The following CATSPERE variants were observed in gnomAD, a reference collection of about 807,000 sequenced individuals.
The protein encoded by CATSPERE is catsper channel auxiliary subunit epsilon, also known as cation channel sperm-associated auxiliary subunit epsilon.
In CATSPERE, 93 loss-of-function variants were observed where a neutral mutation model predicts 114.1. The ratio of observed to expected loss-of-function variants is 0.81; its 90% CI spans 0.69 to 0.97. CATSPERE has a LOEUF of 0.97. Ranked by LOEUF, CATSPERE falls within the 50% of genes least tolerant of loss-of-function variation. The pLI, the probability that CATSPERE is intolerant of heterozygous loss-of-function variation, is 0.00. For synonymous variants in CATSPERE, 341 were observed against 384.1 expected (o/e 0.89, Z 1.31); for missense variants, 1,058 against 1,131.6 (o/e 0.93, Z 0.93).
intron 13 of CATSPERE, among the ~76,000 whole-genome samples, chr1:244,585,458 C>G (rs1216966365): frequency 6.6e-6 from 1 of 152,208 alleles, no homozygotes; most frequent in Non-Finnish European, 1.5e-5. Flanking sequence ...TGCGGTAGCC[C>G]TTTCAGGCAA....
At chr1:244,502,607 G>A (rs921633748) in intron 7 of CATSPERE, among the ~76,000 whole-genome samples, 1 of 152,092 alleles carries the variant, frequency 6.6e-6, no homozygotes, top group African/African-American at 2.4e-5. Flanking sequence ...CACTGTTGCT[G>A]TTAGGAAACC....
chr1:244,602,745 C>T (rs948347538), intron 17 of CATSPERE, among the ~76,000 whole-genome samples: 5 of 152,112 alleles, frequency 3.3e-5, no homozygotes, highest in African/African-American at 1.2e-4. Context: ...TTCTTTGTTA[C>T]CCTGCAGGGA....
intron 10 of CATSPERE, among the ~76,000 whole-genome samples, chr1:244,565,921 T>C (rs1439331928): frequency 6.6e-6 from 1 of 152,174 alleles, no homozygotes; most frequent in Non-Finnish European, 1.5e-5. Context: ...CTTTTAATTG[T>C]GATGTTAGGG....
chr1:244,455,547 T>G (rs1666070255), intron 1 of CATSPERE, among the ~76,000 whole-genome samples: 1 of 151,996 alleles, frequency 6.6e-6, no homozygotes. Flanking sequence ...AAAGTCAGCT[T>G]AATTAAAAGT....
At chr1:244,469,386 C>T (rs1668107301) in intron 2 of CATSPERE, among the ~76,000 whole-genome samples, 1 of 152,128 alleles carries the variant, frequency 6.6e-6, no homozygotes, top group South Asian at 2.1e-4. Context: ...CAGCTCATGG[C>T]CATTCTTGTT....
intron 6 of CATSPERE, among the ~76,000 whole-genome samples, chr1:244,494,808 A>G (rs943243057): frequency 6.6e-6 from 1 of 152,188 alleles, no homozygotes; most frequent in African/African-American, 2.4e-5. Context: ...GTAAAAAAAG[A>G]TAAACTGTGT....
chr1:244,580,124 C>T (rs1391202973), intron 11 of CATSPERE, among the ~76,000 whole-genome samples: 1 of 151,998 alleles, frequency 6.6e-6, no homozygotes, highest in Non-Finnish European at 1.5e-5. Flanking sequence ...GCAACCTCTG[C>T]TCCCTGGGTT....
At chr1:244,545,555 C>T (rs776389405) in intron 8 of CATSPERE, among the ~76,000 whole-genome samples, 1 of 152,174 alleles carries the variant, frequency 6.6e-6, no homozygotes, top group Non-Finnish European at 1.5e-5. Flanking sequence ...GAACCACACT[C>T]CTTTTGTATT....
chr1:244,503,987 C>A (rs1377699395), intron 7 of CATSPERE, among the ~76,000 whole-genome samples: 1 of 152,052 alleles, frequency 6.6e-6, no homozygotes, highest in Non-Finnish European at 1.5e-5. Flanking sequence ...TTTTCTATGA[C>A]CTGGAGATAT....
chr1:244,551,134 T>G (rs1420035858), intron 8 of CATSPERE, among the ~76,000 whole-genome samples: 1 of 152,220 alleles, frequency 6.6e-6, no homozygotes, highest in African/African-American at 2.4e-5. Flanking sequence ...TAACCTGTTA[T>G]TCATCAGGTG....
At chr1:244,511,688 C>T (rs912325525) in intron 7 of CATSPERE, among the ~76,000 whole-genome samples, 41 of 152,174 alleles carry the variant, frequency 2.7e-4, no homozygotes, top group Non-Finnish European at 5.9e-5. Context: ...AGATACCATC[C>T]TTTCACTTCC....
chr1:244,456,178 T>C (rs911495415), intron 1 of CATSPERE, among the ~76,000 whole-genome samples: 6 of 149,746 alleles, frequency 4.0e-5, no homozygotes, highest in Non-Finnish European at 8.8e-5. Flanking sequence ...AAATGCATAG[T>C]TGGTAAAAGC....
intron 2 of CATSPERE, 44 bp downstream of exon 2, chr1:244,464,000 T>A (rs779487675): frequency 1.4e-6 from 2 of 1,410,720 alleles, no homozygotes; most frequent in South Asian, 2.4e-5. Context: ...ATATTAAATT[T>A]TTTGAACTTT....
At chr1:244,589,482 G>T (rs115113286) in intron 14 of CATSPERE, among the ~76,000 whole-genome samples, 1 of 152,064 alleles carries the variant, frequency 6.6e-6, no homozygotes, top group Non-Finnish European at 1.5e-5. Context: ...TTATATAGCC[G>T]GTATCATCCT....
At chr1:244,555,307 C>T (rs1033463791) in intron 9 of CATSPERE, among the ~76,000 whole-genome samples, 1 of 151,572 alleles carries the variant, frequency 6.6e-6, no homozygotes, top group Non-Finnish European at 1.5e-5. Context: ...ATTGCTTGAA[C>T]CCGGGAGGCA....
chr1:244,590,371 A>G (rs899895494), intron 14 of CATSPERE, among the ~76,000 whole-genome samples: 3 of 152,114 alleles, frequency 2.0e-5, no homozygotes, highest in African/African-American at 4.8e-5. Flanking sequence ...ATTTTGATAG[A>G]TTTTCTATGA....
intron 17 of CATSPERE, among the ~76,000 whole-genome samples, chr1:244,604,209 C>G (rs192016041): frequency 9.2e-5 from 14 of 152,342 alleles, no homozygotes; most frequent in African/African-American, 2.9e-4. Flanking sequence ...TACTCTGTGG[C>G]CTTCCTCCCC....
At chr1:244,496,436 A>G (rs1572404896) in intron 6 of CATSPERE, among the ~76,000 whole-genome samples, 1 of 152,196 alleles carries the variant, frequency 6.6e-6, no homozygotes. Flanking sequence ...CTTGGCTGGG[A>G]TGAGGTGAAA....
At chr1:244,594,842 C>A (rs1009658743) in intron 17 of CATSPERE, among the ~76,000 whole-genome samples, 1 of 152,178 alleles carries the variant, frequency 6.6e-6, no homozygotes, top group African/African-American at 2.4e-5. Flanking sequence ...CATGGCACTT[C>A]TAAGACTCTA....
Sources: gnomAD v4.1 joint callset for allele counts (sites outside exome capture counted in the v4.1 genomes callset) on GRCh38, gnomAD v4.1.1 for gene constraint, MANE v1.5 for transcripts, NCBI Gene and HGNC (gene_info 2026-07-23, HGNC 2026-07-21) for gene names.